The following RIMS1 variants were observed in gnomAD, a reference collection of about 807,000 sequenced individuals.
The protein encoded by RIMS1 is regulating synaptic membrane exocytosis 1, also known as regulating synaptic membrane exocytosis protein 1.
In RIMS1, 83 loss-of-function variants were observed where a neutral mutation model predicts 214.1. The ratio of observed to expected loss-of-function variants is 0.39; its 90% CI spans 0.32 to 0.47. The LOEUF (loss-of-function observed/expected upper bound fraction) is 0.47, where lower values mean the gene tolerates loss of function less well. RIMS1 is among the 20% of genes least tolerant of loss of function. The probability of loss-of-function intolerance (pLI) is 0.99; values close to 1 mark genes in which losing one functional copy is unlikely to be tolerated. For synonymous variants in RIMS1, 793 were observed against 786.8 expected, an observed-to-expected ratio of 1.01 and a Z score of -0.13; for missense variants, 2,050 against 2,161.8, an observed-to-expected ratio of 0.95 and a Z score of 1.03.
chr6:72,063,175 C>G (rs961197352), intron 2 of RIMS1, among the ~76,000 whole-genome samples: 1 of 152,056 alleles, frequency 6.6e-6, no homozygotes, highest in African/African-American at 2.4e-5. Context: ...CTAAAAGGGA[C>G]AAAGGAGCAG....
intron 27 of RIMS1, 109 bp from the exon 28 acceptor site, chr6:72,313,397 T>C (rs958893037): frequency 2.3e-6 from 2 of 858,512 alleles, no homozygotes; most frequent in South Asian, 1.7e-5. Flanking sequence ...GCTACTCTTA[T>C]GAAGGTACAC....
intron 29 of RIMS1, among the ~76,000 whole-genome samples, chr6:72,338,652 G>A (rs896348325): frequency 1.8e-4 from 27 of 151,970 alleles, no homozygotes; most frequent in Non-Finnish European, 2.5e-4. Flanking sequence ...AAAAGTGGGC[G>A]AAGGATATGA....
At chr6:72,308,700 A>C (rs2095358394) in intron 27 of RIMS1, among the ~76,000 whole-genome samples, 1 of 152,156 alleles carries the variant, frequency 6.6e-6, no homozygotes, top group Admixed American at 6.6e-5. Flanking sequence ...GGGCTTCCAA[A>C]TGAGACAGTG....
chr6:72,285,843 C>T (rs2092119086), intron 24 of RIMS1, among the ~76,000 whole-genome samples: 1 of 152,172 alleles, frequency 6.6e-6, no homozygotes, highest in East Asian at 1.9e-4. Context: ...CATGATTAAA[C>T]CTTTTCCTTG....
chr6:72,118,204 A>G (rs1047842355), intron 4 of RIMS1, among the ~76,000 whole-genome samples: 28 of 151,264 alleles, frequency 1.9e-4, no homozygotes, highest in Admixed American at 4.6e-4. Flanking sequence ...GAAATATACA[A>G]TACTTCTAGA....
At chr6:72,372,577 TTAGAG>T (rs1443651116) in intron 29 of RIMS1, among the ~76,000 whole-genome samples, 2 of 152,226 alleles carry the variant, frequency 1.3e-5, no homozygotes, top group Non-Finnish European at 2.9e-5. Context: ...TACCAAGAAT[TTAGAG>T]TAAACAGGGA....
chr6:71,978,859 T>C (rs1214342392), intron 2 of RIMS1, among the ~76,000 whole-genome samples: 1 of 152,126 alleles, frequency 6.6e-6, no homozygotes, highest in Non-Finnish European at 1.5e-5. Flanking sequence ...AAAAAATGTT[T>C]TCGCATTTTA....
chr6:72,135,614 T>C (rs955290753), intron 4 of RIMS1, among the ~76,000 whole-genome samples: 5 of 152,142 alleles, frequency 3.3e-5, no homozygotes, highest in African/African-American at 1.2e-4. Flanking sequence ...CTGAGGTGAC[T>C]TGATATCCAA....
At chr6:71,942,037 C>G (rs1583134868) in intron 1 of RIMS1, among the ~76,000 whole-genome samples, 1 of 151,106 alleles carries the variant, frequency 6.6e-6, no homozygotes. Flanking sequence ...CCCTTTCTTT[C>G]TGGGTTTTCT....
intron 4 of RIMS1, among the ~76,000 whole-genome samples, chr6:72,149,658 T>TG (rs2043242140): frequency 1.3e-5 from 2 of 152,150 alleles, no homozygotes; most frequent in Admixed American, 6.5e-5. Flanking sequence ...CAAAAAGTCT[T>TG]GGGAAAAAAG....
At position 72,090,510 on chromosome 6, in the gene RIMS1, T is replaced by TA. The variant is rs879876761; in HGVS notation, c.246-6428dup. On this transcript the variant is annotated intron_variant, in intron 2 of 33. Coordinates refer to ENST00000521978, the MANE Select transcript of RIMS1 (RefSeq NM_014989.7). ...AGAAGCCACGATGTACAAACATCATTAAAAAAAAAAATAGTGACCCTTGAA... is the reference window on the plus strand; with the variant it reads ...AGAAGCCACGATGTACAAACATCATTAAAAAAAAAAAATAGTGACCCTTGAA... Among the ~76,000 whole-genome samples, 1,381 of 147,292 alleles carry TA rather than the reference T, an allele frequency of 9.4e-3. 23 individuals are homozygous for TA. Among genetic ancestry groups the TA allele is most frequent in the African/African-American group, 0.032 (1,287 of 40,428 alleles).
intron 1 of RIMS1, among the ~76,000 whole-genome samples, chr6:71,956,507 A>C (rs1011142570): frequency 2.0e-5 from 3 of 152,172 alleles, no homozygotes; most frequent in Admixed American, 1.3e-4. Context: ...TATAAGAGGA[A>C]TATCACTTTT....
Position 72,301,380 on chromosome 6 carries a change from C to T in RIMS1, c.3851-5878C>T, listed in dbSNP as rs751724421. Among the ~76,000 whole-genome samples, 16 of 151,762 alleles carry T rather than the reference C, an allele frequency of 1.1e-4. 1 individual carries two copies. The South Asian group carries it at 3.3e-3, about 31-fold the overall frequency. On this transcript the variant is annotated intron_variant, in intron 26 of 33. Transcript: ENST00000521978. ...TTGGATATGCACTACATCAAAGTCT[C>T]TCACTATGTTTGCATGACTCCAAAA... is the stretch of plus-strand genomic sequence containing the variant.
chr6:72,181,320 G>A (rs913821874), intron 5 of RIMS1, among the ~76,000 whole-genome samples: 4 of 152,162 alleles, frequency 2.6e-5, no homozygotes, highest in Non-Finnish European at 4.4e-5. Context: ...TAAGCTATTT[G>A]GAGAAAGGAT....
At chr6:71,914,906 C>T (rs1303538329) in intron 1 of RIMS1, among the ~76,000 whole-genome samples, 1 of 152,086 alleles carries the variant, frequency 6.6e-6, no homozygotes, top group Non-Finnish European at 1.5e-5. Flanking sequence ...CATAGTCATC[C>T]TAAGTTAACA....
At chr6:72,131,428 T>A (rs921388936) in intron 4 of RIMS1, among the ~76,000 whole-genome samples, 5 of 152,084 alleles carry the variant, frequency 3.3e-5, no homozygotes, top group African/African-American at 9.7e-5. Flanking sequence ...AAGAGAGAAA[T>A]TTTAAAGCTG....
intron 2 of RIMS1, among the ~76,000 whole-genome samples, chr6:72,088,299 A>G (rs1418854000): frequency 6.6e-6 from 1 of 151,618 alleles, no homozygotes; most frequent in Admixed American, 6.6e-5. Flanking sequence ...CCCAGGCTGA[A>G]GTGCAATGGC....
At chr6:71,969,906 A>G (rs1795425252) in intron 2 of RIMS1, among the ~76,000 whole-genome samples, 1 of 107,180 alleles carries the variant, frequency 9.3e-6, no homozygotes, top group African/African-American at 3.6e-5. Flanking sequence ...TAATTAAATG[A>G]CCAACAGAAA....
At chr6:72,113,305 C>A (rs1193262015) in intron 4 of RIMS1, among the ~76,000 whole-genome samples, 2 of 152,100 alleles carry the variant, frequency 1.3e-5, no homozygotes, top group South Asian at 4.1e-4. Flanking sequence ...TGATTCTCGT[C>A]TGTATGACTT....
Sources: allele counts gnomAD v4.1 joint callset (sites outside exome capture counted in the v4.1 genomes callset), GRCh38; gene constraint gnomAD v4.1.1; transcripts MANE v1.5; gene names NCBI Gene and HGNC (gene_info 2026-07-23, HGNC 2026-07-21).